The following CTNNA3 variants were observed in gnomAD, a reference collection of about 807,000 sequenced individuals.
CTNNA3 encodes catenin alpha-3.
Under a neutral mutation model 95.7 loss-of-function variants are expected in CTNNA3, and 76 were observed. The observed-to-expected ratio is 0.79, with a 90% CI of 0.66 to 0.96. The LOEUF is 0.96. CTNNA3 is among the 40% of genes least tolerant of loss of function. CTNNA3 has a pLI of 0.00. For synonymous variants in CTNNA3, 431 were observed against 374.4 expected (o/e 1.15, Z -1.74); for missense variants, 1,191 against 1,089.8 (o/e 1.09, Z -1.31).
chr10:67,518,026 T>C (rs1839874823), intron 5 of CTNNA3, among the ~76,000 whole-genome samples: 1 of 152,142 alleles, frequency 6.6e-6, no homozygotes, highest in African/African-American at 2.4e-5. Flanking sequence ...TTTATACATA[T>C]TTCATAGGAC....
At chr10:67,229,151 G>A (rs1327290527) in intron 5 of CTNNA3, among the ~76,000 whole-genome samples, 1 of 152,138 alleles carries the variant, frequency 6.6e-6, no homozygotes, top group Non-Finnish European at 1.5e-5. Flanking sequence ...CAGGGATGCA[G>A]GGATGGTTTA....
intron 5 of CTNNA3, among the ~76,000 whole-genome samples, chr10:67,384,052 C>T (rs1167998596): frequency 2.6e-5 from 4 of 152,106 alleles, no homozygotes; most frequent in East Asian, 3.9e-4. Flanking sequence ...TCTACACTAG[C>T]GTGAGAAACA....
At position 66,364,706 on chromosome 10, in the gene CTNNA3, T is replaced by C. The variant is rs534628761; in HGVS notation, c.1732+14446A>G. Among the ~76,000 whole-genome samples, 14 of 152,296 alleles carry C rather than the reference T, an allele frequency of 9.2e-5. 1 individual carries two copies. In the East Asian group the frequency reaches 2.7e-3, roughly 29 times the overall value. On this transcript the variant is annotated intron_variant, in intron 12 of 17. Transcript: ENST00000433211. ...GAAGATCTCCTAGTTAACCCTCTTC[T>C]AGCACTTACAGATATGGGGCCCATA...
chr10:66,408,328 C>A (rs2093073968), intron 11 of CTNNA3, among the ~76,000 whole-genome samples: 1 of 152,074 alleles, frequency 6.6e-6, no homozygotes, highest in Non-Finnish European at 1.5e-5. Flanking sequence ...CAAATGGTGG[C>A]CTTTTTTCTC....
chr10:67,410,326 G>A (rs950261627), intron 5 of CTNNA3, among the ~76,000 whole-genome samples: 3 of 152,004 alleles, frequency 2.0e-5, no homozygotes, highest in African/African-American at 7.2e-5. Flanking sequence ...ACACATGGGG[G>A]GAACAACACA....
At position 66,477,841 on chromosome 10, in the gene CTNNA3, T is replaced by C. The variant is rs891385944; in HGVS notation, c.1531+42776A>G. On this transcript the variant is annotated intron_variant, in intron 11 of 17. Coordinates refer to ENST00000433211, the MANE Select transcript of CTNNA3 (RefSeq NM_013266.4). ...TTCACAGCTGATATAGTGCAACTCC[T>C]AACTTTAAACATCCACTCTCATAAG... 5.3e-5 allele frequency among the ~76,000 whole-genome samples: 8 copies of C among 152,062 alleles called. No homozygotes were observed. The East Asian group carries it at 1.2e-3, about 22-fold the overall frequency.
chr10:66,754,316 A>G (rs1839281764), intron 9 of CTNNA3, among the ~76,000 whole-genome samples: 2 of 152,318 alleles, frequency 1.3e-5, no homozygotes, highest in African/African-American at 4.8e-5. Flanking sequence ...TCTACATGCA[A>G]AAGAATGAAA....
chr10:66,190,498 A>ATTAAT (rs1258756672), intron 13 of CTNNA3, among the ~76,000 whole-genome samples: 1 of 152,152 alleles, frequency 6.6e-6, no homozygotes, highest in Non-Finnish European at 1.5e-5. Context: ...GGACTAGATA[A>ATTAAT]TTAATCTATT....
intron 11 of CTNNA3, among the ~76,000 whole-genome samples, chr10:66,436,040 C>G (rs1253713370): frequency 6.6e-6 from 1 of 152,116 alleles, no homozygotes; most frequent in Admixed American, 6.5e-5. Flanking sequence ...GTCTGAGATA[C>G]TGTTTGTTAT....
chr10:66,073,272 G>C (rs74140942), intron 14 of CTNNA3, among the ~76,000 whole-genome samples: 1 of 152,142 alleles, frequency 6.6e-6, no homozygotes, highest in East Asian at 1.9e-4. Context: ...AGTGTAAAGT[G>C]TTCTCACCAC....
chr10:66,300,157 G>C (rs1380236098), intron 12 of CTNNA3, among the ~76,000 whole-genome samples: 1 of 152,092 alleles, frequency 6.6e-6, no homozygotes, highest in Non-Finnish European at 1.5e-5. Flanking sequence ...CTCCCTAAGA[G>C]ATGGGATTAC....
At chr10:67,074,673 T>C (rs367847902) in intron 7 of CTNNA3, among the ~76,000 whole-genome samples, 1 of 152,166 alleles carries the variant, frequency 6.6e-6, no homozygotes, top group East Asian at 1.9e-4. Flanking sequence ...TTCATACAAA[T>C]TTATCTAGAG....
At chr10:67,301,297 A>G (rs1201317853) in intron 5 of CTNNA3, among the ~76,000 whole-genome samples, 1 of 152,060 alleles carries the variant, frequency 6.6e-6, no homozygotes, top group African/African-American at 2.4e-5. Context: ...AAAAACCACA[A>G]TGAGACATCT....
chr10:66,135,372 A>G (rs1045021626), intron 13 of CTNNA3, among the ~76,000 whole-genome samples: 1 of 152,218 alleles, frequency 6.6e-6, no homozygotes, highest in African/African-American at 2.4e-5. Context: ...CAGAGAAGCT[A>G]GTTTAAAAGT....
chr10:66,703,895 A>AT (rs752408969), intron 9 of CTNNA3, among the ~76,000 whole-genome samples: 1 of 152,156 alleles, frequency 6.6e-6, no homozygotes, highest in South Asian at 2.1e-4. Flanking sequence ...TTGTCAATGA[A>AT]TTTTTCCACT....
chr10:66,682,604 C>A (rs2132505706), intron 9 of CTNNA3, among the ~76,000 whole-genome samples: 1 of 151,488 alleles, frequency 6.6e-6, no homozygotes, highest in Non-Finnish European at 1.5e-5. Flanking sequence ...TCTGTGAATT[C>A]CAGTAAAATC....
intron 15 of CTNNA3, among the ~76,000 whole-genome samples, chr10:65,990,624 C>G (rs1161378026): frequency 6.6e-6 from 1 of 150,772 alleles, no homozygotes; most frequent in South Asian, 2.1e-4. Flanking sequence ...ATTCTCTGAA[C>G]TTTAGGCCCT....
intron 11 of CTNNA3, among the ~76,000 whole-genome samples, chr10:66,392,069 T>G (rs1480776097): frequency 1.6e-5 from 2 of 126,254 alleles, no homozygotes; most frequent in Non-Finnish European, 3.1e-5. Context: ...AACAATTTTT[T>G]TACAAAAAAA....
chr10:66,940,144 A>C (rs1847923100), intron 7 of CTNNA3, among the ~76,000 whole-genome samples: 1 of 152,154 alleles, frequency 6.6e-6, no homozygotes, highest in African/African-American at 2.4e-5. Context: ...CAGAGCGCAT[A>C]GTTTGAAAAG....
Sources: allele counts gnomAD v4.1 joint callset (sites outside exome capture counted in the v4.1 genomes callset), GRCh38; gene constraint gnomAD v4.1.1; transcripts MANE v1.5; gene names NCBI Gene and HGNC (gene_info 2026-07-23, HGNC 2026-07-21).